The following GALNT13 variants were observed in gnomAD, a reference collection of about 807,000 sequenced individuals.
GALNT13 encodes UDP-GalNAc:polypeptide N-acetylgalactosaminyltransferase 13.
A neutral mutation model predicts 64.2 loss-of-function variants in GALNT13; 28 were observed. That is an observed-to-expected ratio of 0.44 (90% CI 0.32 to 0.60). The LOEUF is 0.60. Ranked by LOEUF, GALNT13 falls within the 20% of genes least tolerant of loss-of-function variation. The pLI is 0.05. For synonymous variants in GALNT13, 214 were observed against 224.6 expected, an observed-to-expected ratio of 0.95 and a Z score of 0.42; for missense variants, 577 against 669.8, an observed-to-expected ratio of 0.86 and a Z score of 1.53.
chr2:153,993,142 GT>G (rs1695273905), intron 3 of GALNT13, among the ~76,000 whole-genome samples: 1 of 151,904 alleles, frequency 6.6e-6, no homozygotes, highest in Non-Finnish European at 1.5e-5. Context: ...AGTATGTGAA[GT>G]CAATTTATAA....
At chr2:153,079,592 C>T in the GALNT13 span, among the ~76,000 whole-genome samples, 2,404 of 152,250 alleles carry the variant, frequency 0.016, 30 homozygotes, top group South Asian at 0.064. Context: ...GAAATCAGGA[C>T]GGCTTATGTT....
the GALNT13 span, among the ~76,000 whole-genome samples, chr2:153,577,904 A>T: frequency 0.018 from 2,559 of 145,900 alleles, 52 homozygotes; most frequent in African/African-American, 0.053. Flanking sequence ...TTGTGTCTTT[A>T]TATATATATA....
At chr2:153,436,697 C>T in the GALNT13 span, among the ~76,000 whole-genome samples, 561 of 152,046 alleles carry the variant, frequency 3.7e-3, 2 homozygotes, top group Non-Finnish European at 6.6e-3. Context: ...TTTTTTATTG[C>T]GTCTATTTGA....
chr2:154,238,700 T>G (rs1689322780), intron 4 of GALNT13, among the ~76,000 whole-genome samples: 1 of 151,862 alleles, frequency 6.6e-6, no homozygotes, highest in East Asian at 1.9e-4. Context: ...ATGACTTTAT[T>G]CAGCTTTATT....
At chr2:154,360,468 T>A (rs537239674) in intron 9 of GALNT13, among the ~76,000 whole-genome samples, 62 of 137,620 alleles carry the variant, frequency 4.5e-4, no homozygotes, top group Non-Finnish European at 8.4e-4. Context: ...GGGAGAGAAA[T>A]GTGTCAAAGG....
chr2:154,421,046 A>G (rs1317712790), intron 11 of GALNT13, among the ~76,000 whole-genome samples: 4 of 152,124 alleles, frequency 2.6e-5, no homozygotes, highest in African/African-American at 7.2e-5. Context: ...TTCAGAAATG[A>G]AAAGATAGCA....
chr2:154,193,069 G>C (rs544376445), intron 4 of GALNT13, among the ~76,000 whole-genome samples: 1 of 152,180 alleles, frequency 6.6e-6, no homozygotes, highest in South Asian at 2.1e-4. Context: ...GTGTTTGTGT[G>C]TCAGATCAAC....
intron 1 of GALNT13, among the ~76,000 whole-genome samples, chr2:153,881,450 G>T (rs1328190369): frequency 2.6e-5 from 4 of 152,104 alleles, no homozygotes; most frequent in Non-Finnish European, 4.4e-5. Context: ...ATTTTTAAAA[G>T]ACTTTTATTG....
intron 3 of GALNT13, among the ~76,000 whole-genome samples, chr2:154,089,414 C>G (rs904314109): frequency 2.0e-5 from 3 of 151,980 alleles, no homozygotes; most frequent in Non-Finnish European, 2.9e-5. Context: ...CGGGGCCCGC[C>G]CATTCGTTTT....
chr2:153,349,419 T>G, the GALNT13 span, among the ~76,000 whole-genome samples: 1 of 152,214 alleles, frequency 6.6e-6, no homozygotes, highest in Non-Finnish European at 1.5e-5. Context: ...TCTACAGATT[T>G]CAAAATAATC....
At chr2:153,629,815 AC>A in the GALNT13 span, among the ~76,000 whole-genome samples, 1 of 146,000 alleles carries the variant, frequency 6.8e-6, no homozygotes. Context: ...AAAGCAAACA[AC>A]CCCATCAAAA....
intron 4 of GALNT13, among the ~76,000 whole-genome samples, chr2:154,240,463 G>A (rs1689421471): frequency 6.6e-6 from 1 of 152,162 alleles, no homozygotes; most frequent in Admixed American, 6.5e-5. Context: ...TAGACCTAGT[G>A]AATTAGAATC....
At chr2:153,277,897 G>A in the GALNT13 span, among the ~76,000 whole-genome samples, 4 of 104,630 alleles carry the variant, frequency 3.8e-5, no homozygotes, top group Non-Finnish European at 8.6e-5. Flanking sequence ...AATTGCTTGA[G>A]TTTCTTTTTT....
At chr2:153,671,569 A>C in the GALNT13 span, among the ~76,000 whole-genome samples, 1 of 152,234 alleles carries the variant, frequency 6.6e-6, no homozygotes, top group Non-Finnish European at 1.5e-5. Context: ...CATGGAAAGG[A>C]ACAACCGGTA....
intron 4 of GALNT13, among the ~76,000 whole-genome samples, chr2:154,148,920 T>G (rs965660067): frequency 6.6e-6 from 1 of 152,248 alleles, no homozygotes. Flanking sequence ...GTGCAGAAGC[T>G]CTTGAGTTTA....
intron 4 of GALNT13, among the ~76,000 whole-genome samples, chr2:154,229,624 G>A (rs1254390073): frequency 6.6e-6 from 1 of 152,056 alleles, no homozygotes; most frequent in African/African-American, 2.4e-5. Context: ...AATGCCAATG[G>A]AGAAAATTAG....
At chr2:154,095,118 A>C (rs2105448665) in intron 3 of GALNT13, among the ~76,000 whole-genome samples, 1 of 152,020 alleles carries the variant, frequency 6.6e-6, no homozygotes, top group African/African-American at 2.4e-5. Context: ...TTTCAAAGGA[A>C]GAATTCCTAC....
the GALNT13 span, among the ~76,000 whole-genome samples, chr2:153,740,074 A>G: frequency 6.6e-6 from 1 of 152,008 alleles, no homozygotes; most frequent in East Asian, 1.9e-4. Flanking sequence ...TTGCAAATAA[A>G]TGTTGTCTAT....
chr2:154,164,251 TGGTAATAGG>T (rs1684899358), intron 4 of GALNT13, among the ~76,000 whole-genome samples: 1 of 152,128 alleles, frequency 6.6e-6, no homozygotes, highest in African/African-American at 2.4e-5. Flanking sequence ...CAGGAAAAAC[TGGTAATAGG>T]GGTAAATTAC....
Sources: allele counts gnomAD v4.1 joint callset (sites outside exome capture counted in the v4.1 genomes callset), GRCh38; gene constraint gnomAD v4.1.1; transcripts MANE v1.5; gene names NCBI Gene and HGNC (gene_info 2026-07-23, HGNC 2026-07-21).